The following CABLES2 variants were observed in gnomAD, a reference collection of about 807,000 sequenced individuals.
The protein encoded by CABLES2 is CDK5 and ABL1 enzyme substrate 2.
A neutral mutation model predicts 44.8 loss-of-function variants in CABLES2; 35 were observed. The ratio of observed to expected loss-of-function variants is 0.78; its 90% CI spans 0.60 to 1.04. CABLES2 has a LOEUF of 1.04. Ranked by LOEUF, CABLES2 falls within the 50% of genes least tolerant of loss-of-function variation. The pLI, the probability that CABLES2 is intolerant of heterozygous loss-of-function variation, is 0.00. For missense variants in CABLES2, 566 were observed against 615.7 expected, an observed-to-expected ratio of 0.92 and a Z score of 0.85; for synonymous variants, 282 against 281.1, an observed-to-expected ratio of 1.00 and a Z score of -0.03.
At position 62,389,937 on chromosome 20, in the gene CABLES2, GGCACTGAC is replaced by G. The variant is rs1487469081; in HGVS notation, c.*1026_*1033del. The G allele has an allele frequency of 1.3e-5, 2 of 152,132 alleles. No homozygotes were observed. Among genetic ancestry groups the G allele is most frequent in the Non-Finnish European group, 2.9e-5 (2 of 68,032 alleles). 9.4% of individuals were successfully genotyped at this position (152,132 alleles called of 1,614,324 possible). ...ACCTGTTTCCTGCCTCAGAAGAAAA[GGCACTGAC>G]GCACTGACCCTTTGAGGTTGTGTGG... On this transcript the variant is annotated 3_prime_UTR_variant, in exon 10 of 10. Transcript: ENST00000279101.
chr20:62,404,180 C>G (rs1424398423), intron 1 of CABLES2: 7 of 150,630 alleles, frequency 4.6e-5, no homozygotes, highest in Non-Finnish European at 7.4e-5. Context: ...GACCCTGTCT[C>G]AAAAAAAAAG....
intron 1 of CABLES2, among the ~76,000 whole-genome samples, chr20:62,400,020 G>C (rs567712569): frequency 6.6e-6 from 1 of 152,322 alleles, no homozygotes; most frequent in African/African-American, 2.4e-5. Context: ...TCTTTTAAAA[G>C]GCAAAGTCAA....
At chr20:62,397,949 G>A (rs1457063228) in intron 1 of CABLES2, among the ~76,000 whole-genome samples, 1 of 94,008 alleles carries the variant, frequency 1.1e-5, no homozygotes, top group Non-Finnish European at 2.5e-5. Context: ...TGGTGGTGAC[G>A]GTAGTGGTGG....
chr20:62,399,497 T>C (rs1988148221), intron 1 of CABLES2, among the ~76,000 whole-genome samples: 1 of 151,372 alleles, frequency 6.6e-6, no homozygotes, highest in South Asian at 2.1e-4. Context: ...TCCACCTGCC[T>C]CGGCCTCCCA....
intron 8 of CABLES2, among the ~76,000 whole-genome samples, chr20:62,392,160 G>A (rs192217671): frequency 1.3e-5 from 2 of 151,746 alleles, no homozygotes; most frequent in East Asian, 1.9e-4. Flanking sequence ...GGCTGTGAGA[G>A]ACCCAGTGGT....
At chr20:62,398,193 A>G (rs149135164) in intron 1 of CABLES2, among the ~76,000 whole-genome samples, 229 of 29,762 alleles carry the variant, frequency 7.7e-3, no homozygotes, top group African/African-American at 0.021. Context: ...GGTGATGGTG[A>G]TGATGGTGGT....
At chr20:62,393,690 C>T (rs1241533513) in intron 5 of CABLES2, 85 bp from the exon 6 acceptor site, 2 of 1,414,422 alleles carry the variant, frequency 1.4e-6, no homozygotes, top group Non-Finnish European at 9.5e-7. Context: ...AGCCCAGACG[C>T]ACATGCCAGG....
chr20:62,398,106 A>ATGGTGGTGGTGGTGGTGG (rs1169956607), intron 1 of CABLES2, among the ~76,000 whole-genome samples: 2 of 48,772 alleles, frequency 4.1e-5, no homozygotes, highest in East Asian at 1.1e-3. Flanking sequence ...GGTGGTGGTG[A>ATGGTGGTGGTGGTGGTGG]TGGTGGTGGT....
Position 62,393,023 on chromosome 20 carries a change from C to T in CABLES2, c.881G>A (p.Gly294Glu), listed in dbSNP as rs774025150. 2.5e-6 allele frequency: 4 copies of T among 1,613,238 alleles called. No individual in the cohort carries two copies. The Admixed American group carries it at 6.7e-5, about 27-fold the overall frequency. Residue 294 changes from glycine (G) to glutamate (E), a missense_variant and splice_region_variant, in exon 7 of 10, where the codon GGG becomes GAG. Physicochemically the swap from Gly to Glu is moderately conservative, Grantham distance 98. Coordinates refer to ENST00000279101, the MANE Select transcript of CABLES2 (RefSeq NM_031215.3). Reference sequence around the variant, plus strand: ...CTCCAGGGTGTCCCCCACGTCACTCCCTGTAAGAGAGGCAACCCCTGACCC... The same window carrying T: ...CTCCAGGGTGTCCCCCACGTCACTCTCTGTAAGAGAGGCAACCCCTGACCC... ...TKSAPASTEL[G>E]SDVGDTLEYN...
Position 62,389,278 on chromosome 20 carries a change from G to A in CABLES2, c.*1693C>T, listed in dbSNP as rs1267260435. 1 of 152,286 alleles carries A rather than the reference G, an allele frequency of 6.6e-6. No homozygotes were observed. Among genetic ancestry groups the A allele is most frequent in the Non-Finnish European group, 1.5e-5 (1 of 68,096 alleles). 9.4% of individuals were successfully genotyped at this position (152,286 alleles called of 1,614,324 possible). A position where few individuals can be genotyped will look rare whatever the true frequency, so the allele number is the denominator to read the frequency against. On this transcript the variant is annotated 3_prime_UTR_variant, in exon 10 of 10. Coordinates refer to ENST00000279101, the MANE Select transcript of CABLES2 (RefSeq NM_031215.3). ...CCTCTGGGTGCATACTGGGTTCCAG[G>A]GGATGATCCTTGGCTTGAGGGCAGG...
At chr20:62,398,110 T>A (rs143583969) in intron 1 of CABLES2, among the ~76,000 whole-genome samples, 1 of 76,340 alleles carries the variant, frequency 1.3e-5, no homozygotes, top group Non-Finnish European at 2.6e-5. Context: ...GTGGTGATGG[T>A]GGTGGTGGTG....
At chr20:62,401,179 C>T (rs1009725972) in intron 1 of CABLES2, among the ~76,000 whole-genome samples, 1 of 152,200 alleles carries the variant, frequency 6.6e-6, no homozygotes, top group African/African-American at 2.4e-5. Context: ...TGAACCTGGC[C>T]CCGTTGCAGG....
In CABLES2 at chr20:62,396,586, T is replaced by C. The variant is rs1304339375; in HGVS notation, c.369A>G (p.Arg123=). Residue 123 remains arginine (R), a synonymous_variant, in exon 2 of 10, where the codon CGA becomes CGG. Coordinates refer to ENST00000279101, the MANE Select transcript of CABLES2 (RefSeq NM_031215.3). This position sits in a 1 kb window ranked among gnomAD's most constrained non-coding sequence, Gnocchi z 5.7. ...LGLDGQRQRK[R]VTSQRCSLEF... ...CCAGGGAGCAGCGCTGGGACGTGACTCGCTTCCTGCAAGATGACAATGGAG... is the reference window on the plus strand; with the variant it reads ...CCAGGGAGCAGCGCTGGGACGTGACCCGCTTCCTGCAAGATGACAATGGAG... The C allele has an allele frequency of 6.2e-7, 1 of 1,611,702 alleles. No individual in the cohort carries two copies. The highest frequency in any genetic ancestry group is 2.2e-5 in the East Asian group (1 of 44,808).
At chr20:62,398,008 T>TGG (rs1988068960) in intron 1 of CABLES2, among the ~76,000 whole-genome samples, 2 of 130,126 alleles carry the variant, frequency 1.5e-5, no homozygotes, top group South Asian at 2.3e-4. Flanking sequence ...ATGGTGATGG[T>TGG]TATGGCGGTG....
intron 5 of CABLES2, 73 bp downstream of exon 5, chr20:62,394,084 T>C (rs1370870869): frequency 3.1e-5 from 36 of 1,162,822 alleles, no homozygotes; most frequent in Non-Finnish European, 4.4e-5. Flanking sequence ...TCGTGGGCAC[T>C]GACGTGGGAC....
At position 62,394,981 on chromosome 20, in the gene CABLES2, G is replaced by A. The variant is rs1419018140; in HGVS notation, c.561C>T (p.Cys187=). Residue 187 remains cysteine, a synonymous_variant, in exon 4 of 10, where the codon TGC becomes TGT. Transcript: ENST00000279101. ...CATAGGGCAGGACCGAGAAGGCCGC[G>A]CACAGGGACCGCTTGGCACAGATGA... ...IVLICAKRSL[C]AAFSVLPYGE... is the part of the protein sequence containing the mutation. 8.7e-6 allele frequency: 14 copies of A among 1,612,984 alleles called. No individual in the cohort carries two copies. Among genetic ancestry groups the A allele is most frequent in the South Asian group, 1.1e-5 (1 of 91,070 alleles).
In CABLES2 at chr20:62,396,267, G is replaced by T; in HGVS notation, c.527+48C>A. The stretch of plus-strand genomic sequence containing the variant: ...GGCTGACAGGGGCAGGACCCCGTGG[G>T]CTTATGGAGACCACAGCCCTGGCCC... On this transcript the variant is annotated intron_variant, in intron 3 of 9. Coordinates refer to ENST00000279101, the MANE Select transcript of CABLES2 (RefSeq NM_031215.3). This position sits in a 1 kb window ranked among gnomAD's most constrained non-coding sequence, Gnocchi z 5.7. The T allele has an allele frequency of 6.6e-7, 1 of 1,516,936 alleles. No homozygotes were observed. Among genetic ancestry groups the T allele is most frequent in the Non-Finnish European group, 9.2e-7 (1 of 1,092,238 alleles). The allele number at this position is 1,516,936 out of a possible 1,614,324, so 94.0% of individuals were successfully genotyped here. A position where few individuals can be genotyped will look rare whatever the true frequency, so the allele number is the denominator to read the frequency against.
At chr20:62,398,070 A>ACGGTGGTGGTGG (rs1988079717) in intron 1 of CABLES2, among the ~76,000 whole-genome samples, 3 of 28,934 alleles carry the variant, frequency 1.0e-4, no homozygotes, top group Admixed American at 3.5e-4. Context: ...GGTGGTGGTG[A>ACGGTGGTGGTGG]CGGTGGTGGT....
Position 62,393,538 on chromosome 20 carries a change from C to T in CABLES2, c.782G>A (p.Gly261Asp). 6.2e-7 allele frequency: 1 copy of T among 1,613,086 alleles called. No individual in the cohort carries two copies. Among genetic ancestry groups the T allele is most frequent in the Non-Finnish European group, 8.5e-7 (1 of 1,179,462 alleles). Residue 261 changes from glycine to aspartate, a missense_variant, in exon 6 of 10, where the codon GGC becomes GAC. By Grantham distance (94) the Gly-to-Asp change is moderately conservative. Around this residue, in one of 2 missense-constraint regions of CABLES2, gnomAD observed 436 missense variants for 536.3 expected, o/e 0.81. Transcript: ENST00000279101. ...ACTGGGCCGAGGTGTGGGCAGCAGGCCATGGCTGTCACTCTTGTGTGTGAC... is the reference window on the plus strand; with the variant it reads ...ACTGGGCCGAGGTGTGGGCAGCAGGTCATGGCTGTCACTCTTGTGTGTGAC... ...ALVTHKSDSHGLLPTPRPSVP... is the reference protein window; with the variant it reads ...ALVTHKSDSHDLLPTPRPSVP...
Sources: gnomAD v4.1 joint callset for allele counts (sites outside exome capture counted in the v4.1 genomes callset) on GRCh38, gnomAD v4.1.1 for gene constraint, gnomAD v4.1.1 regional missense constraint, Gnocchi (gnomAD v3.1) non-coding constraint, MANE v1.5 for transcripts, NCBI Gene and HGNC (gene_info 2026-07-23, HGNC 2026-07-21) for gene names.